Variants in CCN5 observed in about 807,000 individuals in gnomAD.
The protein encoded by CCN5 is CCN family member 5.
CCN5 carries 17 observed loss-of-function variants against 18.7 expected under a neutral mutation model. The observed-to-expected ratio is 0.91, with a 90% confidence interval of 0.62 to 1.36. The LOEUF (loss-of-function observed/expected upper bound fraction) is 1.36. Ranked by LOEUF, CCN5 falls within the 40% of genes most tolerant of loss-of-function variation. The pLI, the probability that CCN5 is intolerant of heterozygous loss-of-function variation, is 0.00. For synonymous variants in CCN5, 135 were observed against 145.2 expected (o/e 0.93, Z 0.50); for missense variants, 367 against 342.9 (o/e 1.07, Z -0.56).
chr20:44,724,612 T>C, intron 2 of CCN5, 126 bp from the exon 3 acceptor site: 1 of 1,455,792 alleles, frequency 6.9e-7, no homozygotes, highest in Non-Finnish European at 9.2e-7. Flanking sequence ...TATCCTGGGC[T>C]GGAGCCCTGG....
chr20:44,715,303 G>C (rs1262529366), upstream of CCN5: 10 of 1,299,340 alleles, frequency 7.7e-6, no homozygotes, highest in East Asian at 2.0e-4. Context: ...GCGTGTGCCT[G>C]TGTGTGCCTG....
At chr20:44,715,229 T>TTGTGTGTGTGTG (rs746209770), upstream of CCN5, 77 of 517,584 alleles carry the variant, frequency 1.5e-4, no homozygotes, top group South Asian at 5.1e-4. Flanking sequence ...GCTAGTGTGT[T>TTGTGTGTGTGTG]TGTGTGTGTG....
At chr20:44,717,043 C>G (rs1568877633) in intron 1 of CCN5, among the ~76,000 whole-genome samples, 2 of 152,186 alleles carry the variant, frequency 1.3e-5, no homozygotes. Flanking sequence ...GCCTTGCCCC[C>G]CACCACCAGA....
intron 3 of CCN5, 127 bp downstream of exon 3, chr20:44,725,119 C>T (rs77424543): frequency 0.029 from 37,142 of 1,284,820 alleles, 604 homozygotes; most frequent in East Asian, 0.053. Flanking sequence ...CTGGGAGGGG[C>T]GGAGGCTGAG....
intron 1 of CCN5, among the ~76,000 whole-genome samples, chr20:44,717,241 A>T (rs2065865747): frequency 6.6e-6 from 1 of 152,230 alleles, no homozygotes; most frequent in South Asian, 2.1e-4. Context: ...TTGGAGGGGT[A>T]AATGAGACAA....
chr20:44,715,311 C>T, upstream of CCN5: 1 of 1,416,794 alleles, frequency 7.1e-7, no homozygotes, highest in South Asian at 1.2e-5. Context: ...CTGTGTGTGC[C>T]TGGGAGTGAC....
At chr20:44,715,572 G>C in intron 1 of CCN5, 122 bp downstream of exon 1, 3 of 1,096,496 alleles carry the variant, frequency 2.7e-6, no homozygotes, top group Non-Finnish European at 4.0e-6. Flanking sequence ...ATTGGGCACA[G>C]TCTGGCCCCC....
At chr20:44,715,246 TGTGTGTGTGTGTGTGA>T, upstream of CCN5, 1 of 549,328 alleles carries the variant, frequency 1.8e-6, no homozygotes, top group Non-Finnish European at 3.2e-6. Flanking sequence ...TGTGTGTGTG[TGTGTGTGTGTGTGTGA>T]GCGCGCGCGC....
intron 2 of CCN5, chr20:44,723,552 C>A (rs1186515465): frequency 6.6e-6 from 1 of 152,094 alleles, no homozygotes; most frequent in East Asian, 2.0e-4. Context: ...AAGGTTTTCT[C>A]AGAAGATCTG....
chr20:44,725,341 G>A (rs2065929464), intron 3 of CCN5, among the ~76,000 whole-genome samples: 1 of 152,088 alleles, frequency 6.6e-6, no homozygotes, highest in Non-Finnish European at 1.5e-5. Flanking sequence ...GGGAGGCTGA[G>A]GCAGGAGAAT....
At chr20:44,725,824 C>T (rs570210002) in intron 3 of CCN5, among the ~76,000 whole-genome samples, 3 of 152,226 alleles carry the variant, frequency 2.0e-5, no homozygotes, top group African/African-American at 4.8e-5. Flanking sequence ...TACCTCCCAC[C>T]GTCCCACTAT....
chr20:44,724,620 TG>T, intron 2 of CCN5, 117 bp from the exon 3 acceptor site: 1 of 1,496,848 alleles, frequency 6.7e-7, no homozygotes, highest in Non-Finnish European at 8.9e-7. Context: ...GCTGGAGCCC[TG>T]GGCAGGGCCC....
chr20:44,718,911 T>G (rs1226432468), intron 1 of CCN5, among the ~76,000 whole-genome samples: 1 of 152,160 alleles, frequency 6.6e-6, no homozygotes, highest in Non-Finnish European at 1.5e-5. Context: ...ACTTCTGATT[T>G]TGTAAGCCCC....
Position 44,725,009 on chromosome 20 carries a change from T to C in CCN5, c.532+17T>C. The C allele has an allele frequency of 6.5e-7, 1 of 1,547,588 alleles. No homozygotes were observed. Among genetic ancestry groups the C allele is most frequent in the South Asian group, 1.2e-5 (1 of 80,772 alleles). On this transcript the variant is annotated intron_variant, in intron 3 of 3. Coordinates refer to ENST00000190983, the MANE Select transcript of CCN5 (RefSeq NM_003881.4). ...CAGCCCAAGGTGAGCGCAGCGGTGG[T>C]CCAGGTCAGGGCAGGACTGCCTGGG... is the stretch of plus-strand genomic sequence containing the variant.
At chr20:44,715,518 T>TC in intron 1 of CCN5, 68 bp downstream of exon 1, 1 of 1,516,388 alleles carries the variant, frequency 6.6e-7, no homozygotes, top group Admixed American at 2.0e-5. Flanking sequence ...GGATGTAAAA[T>TC]CGCAGCCAAG....
At chr20:44,726,384 G>T (rs2065936313) in intron 3 of CCN5, among the ~76,000 whole-genome samples, 1 of 152,094 alleles carries the variant, frequency 6.6e-6, no homozygotes, top group Admixed American at 6.6e-5. Flanking sequence ...CACACATGTG[G>T]GTAGAAATCA....
At chr20:44,718,123 G>C (rs1433857518) in intron 1 of CCN5, among the ~76,000 whole-genome samples, 1 of 152,138 alleles carries the variant, frequency 6.6e-6, no homozygotes, top group African/African-American at 2.4e-5. Flanking sequence ...CAGACACCTA[G>C]CTCCGTGTGT....
At chr20:44,717,622 A>T (rs2065868570) in intron 1 of CCN5, among the ~76,000 whole-genome samples, 1 of 152,150 alleles carries the variant, frequency 6.6e-6, no homozygotes, top group Non-Finnish European at 1.5e-5. Flanking sequence ...CATGCCTGTA[A>T]TCCCAGCACT....
rs377297178 is a variant in CCN5, at chr20:44,720,008, C to T, written c.172C>T (p.Arg58Trp). Residue 58 changes from arginine to tryptophan, a missense_variant, in exon 2 of 4, where the codon CGG becomes TGG. Arg to Trp is a moderately radical substitution (Grantham distance 101). Coordinates refer to ENST00000190983, the MANE Select transcript of CCN5 (RefSeq NM_003881.4). ...CTGTGGCTGCTGCCGGGTATGTGCA[C>T]GGCGGCTGGGGGAGCCCTGCGACCA... Reference protein sequence around the residue: ...DGCGCCRVCARRLGEPCDQLH... With the variant: ...DGCGCCRVCAWRLGEPCDQLH... 1.1e-5 allele frequency: 17 copies of T among 1,610,212 alleles called. No individual in the cohort carries two copies. The highest frequency in any genetic ancestry group is 1.6e-4 in the Middle Eastern group (1 of 6,068).
Sources: allele counts gnomAD v4.1 joint callset (sites outside exome capture counted in the v4.1 genomes callset), GRCh38; gene constraint gnomAD v4.1.1; transcripts MANE v1.5; gene names NCBI Gene and HGNC (gene_info 2026-07-23, HGNC 2026-07-21).